Variants in SMTNL2 observed in about 807,000 individuals in gnomAD.
The protein encoded by SMTNL2 is smoothelin like 2.
SMTNL2 carries 43 observed loss-of-function variants against 44.1 expected under a neutral mutation model. That is an observed-to-expected ratio of 0.98 (90% CI 0.76 to 1.26). The LOEUF is 1.26. Ranked by LOEUF, SMTNL2 falls within the 50% of genes most tolerant of loss-of-function variation. SMTNL2 has a pLI of 0.00. For synonymous variants in SMTNL2, 317 were observed against 287.6 expected (o/e 1.10, Z -1.03); for missense variants, 646 against 670.2 (o/e 0.96, Z 0.40).
At chr17:4,599,177 G>A (rs190523933) in intron 7 of SMTNL2, among the ~76,000 whole-genome samples, 57 of 152,314 alleles carry the variant, frequency 3.7e-4, no homozygotes, top group Admixed American at 3.6e-3. Flanking sequence ...CTTGGATGAC[G>A]CGCTTGGACT....
intron 1 of SMTNL2, among the ~76,000 whole-genome samples, chr17:4,588,735 C>T (rs1430911913): frequency 6.6e-6 from 1 of 152,254 alleles, no homozygotes; most frequent in African/African-American, 2.4e-5. Context: ...TCATACTGAC[C>T]CAGGTCCTGG....
intron 1 of SMTNL2, among the ~76,000 whole-genome samples, chr17:4,586,677 G>T (rs1297839164): frequency 6.6e-6 from 1 of 152,168 alleles, no homozygotes; most frequent in Non-Finnish European, 1.5e-5. Context: ...GCCCTCTTCG[G>T]GGTGGATGGA....
At chr17:4,596,745 GA>G in intron 5 of SMTNL2, 114 bp from the exon 6 acceptor site, 1 of 886,978 alleles carries the variant, frequency 1.1e-6, no homozygotes, top group Non-Finnish European at 1.6e-6. Context: ...TGGGTGAGCA[GA>G]GCAGGTGGGA....
chr17:4,601,098 A>G (rs1460143216), intron 7 of SMTNL2, among the ~76,000 whole-genome samples: 1 of 152,208 alleles, frequency 6.6e-6, no homozygotes, highest in Non-Finnish European at 1.5e-5. Flanking sequence ...GGCGTAAGCA[A>G]AGACACTTTA....
At position 4,584,564 on chromosome 17, in the gene SMTNL2, C is replaced by A; in HGVS notation, c.-42C>A. 2.5e-6 allele frequency: 3 copies of A among 1,217,970 alleles called. No homozygotes were observed. Among genetic ancestry groups the A allele is most frequent in the Non-Finnish European group, 3.1e-6 (3 of 978,834 alleles). 75.4% of individuals were successfully genotyped at this position (1,217,970 alleles called of 1,614,324 possible). On this transcript the variant is annotated 5_prime_UTR_variant, in exon 1 of 8. Transcript: ENST00000389313. ...CGGAGCTGCGGAGCTCGGATCTTCT[C>A]CCCCGTCTGGCCCGCTCTCGACCCG...
At chr17:4,585,152 G>C in intron 1 of SMTNL2, 148 bp downstream of exon 1, 4 of 1,041,890 alleles carry the variant, frequency 3.8e-6, no homozygotes, top group Non-Finnish European at 4.9e-6. Context: ...GGGTCCTGCC[G>C]CCCCTCCGGA....
intron 7 of SMTNL2, among the ~76,000 whole-genome samples, chr17:4,602,378 A>C (rs1302593056): frequency 8.0e-6 from 1 of 124,760 alleles, no homozygotes; most frequent in African/African-American, 3.1e-5. Context: ...GCTGGAGTGC[A>C]GTGGAATAAT....
At chr17:4,586,622 T>G (rs1481311769) in intron 1 of SMTNL2, among the ~76,000 whole-genome samples, 8 of 151,320 alleles carry the variant, frequency 5.3e-5, no homozygotes, top group Admixed American at 5.3e-4. Flanking sequence ...AGGTTAGGAG[T>G]TGGTGGATGA....
rs200229568 is a variant in SMTNL2 at position 4,595,228 on chromosome 17, G to A, written c.890G>A (p.Arg297His). 1.5e-4 allele frequency: 250 copies of A among 1,613,106 alleles called. 1 individual carries two copies. Among genetic ancestry groups the A allele is most frequent in the Non-Finnish European group, 1.9e-4 (228 of 1,179,978 alleles). ...CAGGTCCATCGGCAGGGGGAGCGTC[G>A]CAGGGAGCTGGTGAGGTCGCAGACG... is the stretch of plus-strand genomic sequence containing the variant. ...ITQVHRQGER[R>H]RELVRSQTLP... The change falls in exon 5 of 8, where the codon CGC becomes CAC. Residue 297 changes from arginine (R) to histidine (H), a missense_variant. Coordinates refer to ENST00000389313, the MANE Select transcript of SMTNL2 (RefSeq NM_001114974.2). This position sits in a 1 kb window ranked among gnomAD's most constrained non-coding sequence, Gnocchi z 5.1.
At chr17:4,593,254 G>C in intron 3 of SMTNL2, 83 bp downstream of exon 3, 1 of 1,491,098 alleles carries the variant, frequency 6.7e-7, no homozygotes, top group Non-Finnish European at 8.9e-7. Context: ...GAGGGAGTCG[G>C]TGGGTGACAT....
At chr17:4,603,294 G>C (rs137936353) in intron 7 of SMTNL2, among the ~76,000 whole-genome samples, 18 of 152,324 alleles carry the variant, frequency 1.2e-4, no homozygotes, top group African/African-American at 4.3e-4. Flanking sequence ...AACCAGAGCT[G>C]TTTAGTTCAG....
chr17:4,590,129 G>A (rs544508711), intron 1 of SMTNL2, among the ~76,000 whole-genome samples: 6 of 151,940 alleles, frequency 3.9e-5, no homozygotes, highest in Admixed American at 3.9e-4. Context: ...ACCATGCCTG[G>A]CTAATTGTTG....
At chr17:4,597,022 A>G in intron 6 of SMTNL2, 45 bp downstream of exon 6, 1 of 1,478,344 alleles carries the variant, frequency 6.8e-7, no homozygotes. Flanking sequence ...CCCAGCTAAA[A>G]GCTTGACCAA....
At chr17:4,586,847 A>G (rs184297476) in intron 1 of SMTNL2, among the ~76,000 whole-genome samples, 3 of 151,922 alleles carry the variant, frequency 2.0e-5, no homozygotes, top group African/African-American at 7.3e-5. Context: ...GGGAGCTCTG[A>G]CTTGGGGGAC....
At position 4,607,209 on chromosome 17, in the gene SMTNL2, C is replaced by G; in HGVS notation, c.1260-152C>G. On this transcript the variant is annotated intron_variant, in intron 7 of 7. Coordinates refer to ENST00000389313, the MANE Select transcript of SMTNL2 (RefSeq NM_001114974.2). The surrounding 1 kb of genome is among the most constrained non-coding windows in gnomAD (Gnocchi z 4.7). ...GGAGTCAGTGACTCCAAGGGTTCTG[C>G]CAGGGTTATCTGAATTCCCCGCTGG... The G allele has an allele frequency of 1.6e-6, 2 of 1,214,762 alleles. No individual in the cohort carries two copies. The highest frequency in any genetic ancestry group is 2.3e-6 in the Non-Finnish European group (2 of 865,710). 75.2% of individuals were successfully genotyped at this position (1,214,762 alleles called of 1,614,324 possible).
intron 4 of SMTNL2, 84 bp downstream of exon 4, chr17:4,593,981 C>G: frequency 6.7e-7 from 1 of 1,489,744 alleles, no homozygotes; most frequent in Non-Finnish European, 9.3e-7. Flanking sequence ...AGGGTTGGCC[C>G]TGGGGTTGGT....
At chr17:4,603,412 C>T (rs1466315866) in intron 7 of SMTNL2, among the ~76,000 whole-genome samples, 1 of 152,164 alleles carries the variant, frequency 6.6e-6, no homozygotes, top group Non-Finnish European at 1.5e-5. Context: ...GTAGAAAGTA[C>T]ACACAGGCAC....
In SMTNL2 at chr17:4,597,441, G is replaced by A. The variant is rs1265199333; in HGVS notation, c.1259+118G>A. ...CGGGCCGCTGTCTGCAAAGCTGAAG[G>A]ACCCTGGGGCCATGTGGTCTGTGTA... On this transcript the variant is annotated intron_variant, in intron 7 of 7. Coordinates refer to ENST00000389313, the MANE Select transcript of SMTNL2 (RefSeq NM_001114974.2). The A allele has an allele frequency of 5.7e-6, 8 of 1,399,314 alleles. No homozygotes were observed. In the East Asian group the frequency reaches 1.4e-4, roughly 24 times the overall value. The allele number at this position is 1,399,314 out of a possible 1,614,324, so 86.7% of individuals were successfully genotyped here.
chr17:4,589,265 T>C (rs1435863138), intron 1 of SMTNL2, among the ~76,000 whole-genome samples: 4 of 152,092 alleles, frequency 2.6e-5, no homozygotes, highest in Non-Finnish European at 5.9e-5. Context: ...GAGAAACATA[T>C]TTCCTGGGAA....
Sources: gnomAD v4.1 joint callset for allele counts (sites outside exome capture counted in the v4.1 genomes callset) on GRCh38, gnomAD v4.1.1 for gene constraint, Gnocchi (gnomAD v3.1) non-coding constraint, MANE v1.5 for transcripts, NCBI Gene and HGNC (gene_info 2026-07-23, HGNC 2026-07-21) for gene names.